Variants in DSTN observed in about 807,000 individuals in gnomAD.
DSTN encodes the protein destrin, actin depolymerizing factor, also known as destrin.
Under a neutral mutation model 16.8 loss-of-function variants are expected in DSTN, and 10 were observed. The ratio of observed to expected loss-of-function variants is 0.60; its 90% CI spans 0.37 to 1.01. The LOEUF (loss-of-function observed/expected upper bound fraction) is 1.01. DSTN is among the 50% of genes least tolerant of loss of function. The pLI is 0.01. For missense variants in DSTN, 141 were observed against 196.7 expected (o/e 0.72, Z 1.69); for synonymous variants, 57 against 58.9 (o/e 0.97, Z 0.14).
In DSTN at chr20:17,609,410, C is replaced by G. The variant is rs891680423; in HGVS notation, c.*2264C>G. 9.2e-5 allele frequency: 14 copies of G among 152,100 alleles called. No homozygotes were observed. The highest frequency in any genetic ancestry group is 3.4e-4 in the African/African-American group (14 of 41,378). The allele number at this position is 152,100 out of a possible 1,614,324, so 9.4% of individuals were successfully genotyped here. A position where few individuals can be genotyped will look rare whatever the true frequency, so the allele number is the denominator to read the frequency against. ...AGGCCTCCAGGGAAGTGCCATAAGC[C>G]CAAGACTGCCGTACTCAAAAGTCAG... is the stretch of plus-strand genomic sequence containing the variant. On this transcript the variant is annotated 3_prime_UTR_variant, in exon 4 of 4. Transcript: ENST00000246069.
intron 1 of DSTN, among the ~76,000 whole-genome samples, chr20:17,587,558 C>T (rs1376955311): frequency 1.3e-5 from 2 of 152,170 alleles, no homozygotes; most frequent in African/African-American, 4.8e-5. Flanking sequence ...AAGATTTCTT[C>T]CTTGCCCTCA....
At chr20:17,579,058 G>A (rs2035314074) in intron 1 of DSTN, among the ~76,000 whole-genome samples, 1 of 151,568 alleles carries the variant, frequency 6.6e-6, no homozygotes, top group Admixed American at 6.6e-5. Flanking sequence ...AGTTCATTGA[G>A]ATAGATATTA....
chr20:17,588,219 AC>A (rs2035432278), intron 1 of DSTN, among the ~76,000 whole-genome samples: 1 of 152,170 alleles, frequency 6.6e-6, no homozygotes, highest in South Asian at 2.1e-4. Flanking sequence ...TAAATTTCTA[AC>A]TTGATTGAGA....
chr20:17,572,564 T>G (rs1381438390), intron 1 of DSTN, among the ~76,000 whole-genome samples: 1 of 152,204 alleles, frequency 6.6e-6, no homozygotes, highest in Non-Finnish European at 1.5e-5. Flanking sequence ...CACGATAATC[T>G]AACCCTTAAC....
At chr20:17,594,123 A>AT (rs1600708644) in intron 1 of DSTN, among the ~76,000 whole-genome samples, 7 of 151,824 alleles carry the variant, frequency 4.6e-5, no homozygotes, top group Middle Eastern at 3.4e-3. Context: ...ATAAATAGCT[A>AT]TTTTTTACCT....
intron 1 of DSTN, among the ~76,000 whole-genome samples, chr20:17,585,022 A>G (rs547535473): frequency 6.6e-6 from 1 of 152,304 alleles, no homozygotes; most frequent in East Asian, 1.9e-4. Flanking sequence ...ATAAATTCCT[A>G]GAAGTGAGGT....
chr20:17,607,312 A>G lies in DSTN; in HGVS notation c.*166A>G, dbSNP rs1053632541. 47 of 500,408 alleles carry G rather than the reference A, an allele frequency of 9.4e-5. No individual in the cohort carries two copies. The highest frequency in any genetic ancestry group is 7.8e-5 in the Non-Finnish European group (23 of 295,940). The allele number at this position is 500,408 out of a possible 1,614,324, so 31.0% of individuals were successfully genotyped here. Reference sequence around the variant, plus strand: ...TATGCAAACAGCCCTAAATAAATCTAAAGTCTAAAGTTTTATTGATGTGAA... The same window carrying G: ...TATGCAAACAGCCCTAAATAAATCTGAAGTCTAAAGTTTTATTGATGTGAA... On this transcript the variant is annotated 3_prime_UTR_variant, in exon 4 of 4. Transcript: ENST00000246069.
chr20:17,594,575 A>G (rs2035505203), intron 1 of DSTN, among the ~76,000 whole-genome samples: 1 of 152,076 alleles, frequency 6.6e-6, no homozygotes, highest in South Asian at 2.1e-4. Context: ...TTCAGAACTC[A>G]AATGGCTGTT....
At chr20:17,595,676 C>T (rs918542977) in intron 1 of DSTN, among the ~76,000 whole-genome samples, 1 of 151,912 alleles carries the variant, frequency 6.6e-6, no homozygotes, top group Non-Finnish European at 1.5e-5. Context: ...ATCCCAATTC[C>T]TCTATTGTTT....
intron 1 of DSTN, among the ~76,000 whole-genome samples, chr20:17,588,105 A>G (rs1172240102): frequency 6.6e-6 from 1 of 152,132 alleles, no homozygotes. Context: ...TCCCCTTTAA[A>G]TATTGAAGAC....
intron 1 of DSTN, among the ~76,000 whole-genome samples, chr20:17,594,082 A>AAATAAAT (rs2035499598): frequency 1.4e-5 from 2 of 145,502 alleles, no homozygotes; most frequent in African/African-American, 5.2e-5. Context: ...CCGTATCTCA[A>AAATAAAT]AAATAAATAA....
At chr20:17,587,408 A>G (rs1278380385) in intron 1 of DSTN, among the ~76,000 whole-genome samples, 3 of 152,172 alleles carry the variant, frequency 2.0e-5, no homozygotes, top group South Asian at 4.1e-4. Flanking sequence ...GACTACAGGC[A>G]TGTGCCACCA....
In DSTN at chr20:17,608,880, A is replaced by G. The variant is rs545204269; in HGVS notation, c.*1734A>G. The stretch of plus-strand genomic sequence containing the variant: ...TATACTATGGTGGTCCCATACAATT[A>G]TAATGTATTTTCTACTGTAATTAGA... On this transcript the variant is annotated 3_prime_UTR_variant, in exon 4 of 4. Transcript: ENST00000246069. 1 of 152,218 alleles carries G rather than the reference A, an allele frequency of 6.6e-6. No individual in the cohort carries two copies. Among genetic ancestry groups the G allele is most frequent in the Non-Finnish European group, 1.5e-5 (1 of 68,040 alleles). The allele number at this position is 152,218 out of a possible 1,614,324, so 9.4% of individuals were successfully genotyped here.
intron 1 of DSTN, chr20:17,591,896 C>T (rs945114520): frequency 1.7e-5 from 17 of 985,270 alleles, no homozygotes; most frequent in Non-Finnish European, 2.0e-5. Flanking sequence ...TTACTTTAAT[C>T]ATTGTCTTCT....
chr20:17,575,397 T>G (rs2035267475), intron 1 of DSTN, among the ~76,000 whole-genome samples: 1 of 152,208 alleles, frequency 6.6e-6, no homozygotes, highest in African/African-American at 2.4e-5. Context: ...AGCTAGTCTC[T>G]TTGTTGTACT....
chr20:17,580,900 C>CTG (rs1469105866), intron 1 of DSTN, among the ~76,000 whole-genome samples: 1 of 152,084 alleles, frequency 6.6e-6, no homozygotes, highest in African/African-American at 2.4e-5. Flanking sequence ...GTAGAAGGGC[C>CTG]TGTAGAAGAG....
chr20:17,589,268 T>G (rs921923247), intron 1 of DSTN, among the ~76,000 whole-genome samples: 3 of 151,804 alleles, frequency 2.0e-5, no homozygotes, highest in African/African-American at 7.3e-5. Flanking sequence ...TGGAGTGCAG[T>G]GGTGTGATCT....
chr20:17,574,828 CCTTTCTTTTTT>C (rs1292704277), intron 1 of DSTN, among the ~76,000 whole-genome samples: 1 of 140,866 alleles, frequency 7.1e-6, no homozygotes, highest in African/African-American at 2.6e-5. Context: ...TCCTTTTTTT[CCTTTCTTTTTT>C]CTTTCTTTTC....
rs1474488287 is a variant in DSTN at position 17,570,623 on chromosome 20, G to T, written c.3+412G>T. Among the ~76,000 whole-genome samples the T allele has an allele frequency of 2.7e-5, 4 of 150,176 alleles. No homozygotes were observed. In the East Asian group the frequency reaches 7.7e-4, roughly 29 times the overall value. The stretch of plus-strand genomic sequence containing the variant: ...CGGAATCCGGCCACCGTCCTTGTTG[G>T]CGTGGGTTTCCCCAGAGCTGGCGCT... On this transcript the variant is annotated intron_variant, in intron 1 of 3. Coordinates refer to ENST00000246069, the MANE Select transcript of DSTN (RefSeq NM_006870.4).
Sources: gnomAD v4.1 joint callset for allele counts (sites outside exome capture counted in the v4.1 genomes callset) on GRCh38, gnomAD v4.1.1 for gene constraint, MANE v1.5 for transcripts, NCBI Gene and HGNC (gene_info 2026-07-23, HGNC 2026-07-21) for gene names.